Variants in NLGN1 observed in about 807,000 individuals in gnomAD.
NLGN1 encodes the protein neuroligin-1.
Under a neutral mutation model 65.5 loss-of-function variants are expected in NLGN1, and 12 were observed. The ratio of observed to expected loss-of-function variants is 0.18; its 90% CI spans 0.12 to 0.30. The LOEUF (loss-of-function observed/expected upper bound fraction) is 0.30. Among genes scored for constraint, NLGN1 ranks in the 10% least tolerant of loss-of-function variants. NLGN1 has a pLI of 1.00. For missense variants in NLGN1, 750 were observed against 1,007.1 expected (o/e 0.74, Z 3.46); for synonymous variants, 350 against 359.5 (o/e 0.97, Z 0.30).
intron 4 of NLGN1, among the ~76,000 whole-genome samples, chr3:174,179,388 A>G (rs1159407038): frequency 6.6e-6 from 1 of 152,092 alleles, no homozygotes; most frequent in Non-Finnish European, 1.5e-5. Flanking sequence ...AGGGCACAAT[A>G]GGATAGAAAA....
intron 3 of NLGN1, among the ~76,000 whole-genome samples, chr3:173,769,969 A>G (rs1779344557): frequency 1.3e-5 from 2 of 152,224 alleles, no homozygotes; most frequent in African/African-American, 4.8e-5. Flanking sequence ...TACAGAATCC[A>G]TAACTTTCAA....
chr3:174,148,352 G>A (rs1223048277), intron 4 of NLGN1, among the ~76,000 whole-genome samples: 2 of 152,148 alleles, frequency 1.3e-5, no homozygotes, highest in Non-Finnish European at 1.5e-5. Context: ...AGAAATGATA[G>A]GGTGTTAAGT....
chr3:173,637,994 A>G (rs912503970), intron 3 of NLGN1, among the ~76,000 whole-genome samples: 2 of 152,194 alleles, frequency 1.3e-5, no homozygotes, highest in Non-Finnish European at 1.5e-5. Flanking sequence ...GCAATTGAAG[A>G]TATATACTAA....
intron 2 of NLGN1, among the ~76,000 whole-genome samples, chr3:173,602,098 A>G (rs889203859): frequency 6.6e-6 from 1 of 152,066 alleles, no homozygotes; most frequent in Non-Finnish European, 1.5e-5. Context: ...GGCCAAGGTA[A>G]AAATTAACCT....
chr3:173,924,632 AAT>A (rs1391029935), intron 4 of NLGN1, among the ~76,000 whole-genome samples: 2 of 151,874 alleles, frequency 1.3e-5, no homozygotes, highest in African/African-American at 4.8e-5. Context: ...CAAAAAAAAA[AAT>A]AAAAATAAAA....
intron 1 of NLGN1, among the ~76,000 whole-genome samples, chr3:173,409,540 T>TATTTCTTTCCCCCATTTCCAACTCCTG (rs1348471787): frequency 3.9e-5 from 6 of 152,158 alleles, no homozygotes; most frequent in Non-Finnish European, 8.8e-5. Flanking sequence ...TCATGAATAT[T>TATTTCTTTCCCCCATTTCCAACTCCTG]ATTTCTTTCC....
At chr3:173,584,120 A>C (rs1244749320) in intron 2 of NLGN1, among the ~76,000 whole-genome samples, 3 of 152,028 alleles carry the variant, frequency 2.0e-5, no homozygotes, top group Non-Finnish European at 4.4e-5. Context: ...CAGAAGATTC[A>C]GTCTTTAAAC....
Position 174,034,868 on chromosome 3 carries a change from C to G in NLGN1, c.646+227036C>G, listed in dbSNP as rs150739078. Among the ~76,000 whole-genome samples, 121 of 151,992 alleles carry G rather than the reference C, an allele frequency of 8.0e-4. 1 individual carries two copies. The East Asian group carries it at 0.022, about 28-fold the overall frequency. On this transcript the variant is annotated intron_variant, in intron 4 of 6. Transcript: ENST00000457714. ...TCATTTTGTGAATAGTTTACACAGACCAATTAAAAGACTGACTGTGAGGGT... is the reference window on the plus strand; with the variant it reads ...TCATTTTGTGAATAGTTTACACAGAGCAATTAAAAGACTGACTGTGAGGGT...
intron 4 of NLGN1, among the ~76,000 whole-genome samples, chr3:174,002,918 G>T (rs928565137): frequency 6.6e-6 from 1 of 152,180 alleles, no homozygotes; most frequent in Non-Finnish European, 1.5e-5. Context: ...GGATAAAGTC[G>T]TGAGTAGTCC....
At chr3:174,016,933 A>G (rs1404741026) in intron 4 of NLGN1, among the ~76,000 whole-genome samples, 1 of 152,114 alleles carries the variant, frequency 6.6e-6, no homozygotes, top group Admixed American at 6.6e-5. Context: ...GAGAAGGGAA[A>G]GATGAAAGAG....
intron 4 of NLGN1, among the ~76,000 whole-genome samples, chr3:173,929,033 A>G (rs1183398157): frequency 1.3e-5 from 2 of 152,176 alleles, no homozygotes; most frequent in African/African-American, 2.4e-5. Context: ...TATAAATCCT[A>G]TTCTTGTAGA....
intron 2 of NLGN1, among the ~76,000 whole-genome samples, chr3:173,479,189 A>G (rs1260592020): frequency 6.6e-6 from 1 of 152,184 alleles, no homozygotes; most frequent in Non-Finnish European, 1.5e-5. Context: ...AATAAGGGCT[A>G]TGATGGAATG....
At chr3:173,679,460 A>G (rs983987484) in intron 3 of NLGN1, among the ~76,000 whole-genome samples, 1 of 152,010 alleles carries the variant, frequency 6.6e-6, no homozygotes, top group Non-Finnish European at 1.5e-5. Flanking sequence ...TTGGGGATAA[A>G]TGTTCTACAG....
At chr3:173,962,699 A>G (rs1713883443) in intron 4 of NLGN1, among the ~76,000 whole-genome samples, 1 of 152,174 alleles carries the variant, frequency 6.6e-6, no homozygotes, top group Non-Finnish European at 1.5e-5. Context: ...ATATAAAGGC[A>G]TGTTATTTCC....
At chr3:173,826,523 T>C (rs2150565499) in intron 4 of NLGN1, among the ~76,000 whole-genome samples, 1 of 152,268 alleles carries the variant, frequency 6.6e-6, no homozygotes, top group South Asian at 2.1e-4. Context: ...TACTTAAATT[T>C]TCATGTCTGA....
At chr3:173,431,730 A>T (rs1414989249) in intron 1 of NLGN1, among the ~76,000 whole-genome samples, 1 of 152,164 alleles carries the variant, frequency 6.6e-6, no homozygotes, top group Non-Finnish European at 1.5e-5. Flanking sequence ...CATCATTATC[A>T]TCCAAAATCC....
intron 4 of NLGN1, among the ~76,000 whole-genome samples, chr3:174,076,484 G>T (rs9290492): frequency 1.3e-5 from 2 of 152,082 alleles, no homozygotes; most frequent in Non-Finnish European, 2.9e-5. Context: ...CTCAGGATGC[G>T]TCTGAAGAGG....
chr3:173,491,800 A>G (rs1729214833), intron 2 of NLGN1, among the ~76,000 whole-genome samples: 1 of 151,646 alleles, frequency 6.6e-6, no homozygotes, highest in South Asian at 2.1e-4. Context: ...CCTTTACTAA[A>G]TCTGCTCCTA....
chr3:173,419,155 G>C (rs777851461), intron 1 of NLGN1, among the ~76,000 whole-genome samples: 1 of 146,748 alleles, frequency 6.8e-6, no homozygotes, highest in Non-Finnish European at 1.5e-5. Flanking sequence ...GTTTACTTTC[G>C]ATAAAACCTG....
Sources: gnomAD v4.1 joint callset for allele counts (sites outside exome capture counted in the v4.1 genomes callset) on GRCh38, gnomAD v4.1.1 for gene constraint, MANE v1.5 for transcripts, NCBI Gene and HGNC (gene_info 2026-07-23, HGNC 2026-07-21) for gene names.